Variants in RGS7 observed in about 807,000 individuals in gnomAD.
RGS7 encodes the protein regulator of G-protein signaling 7.
RGS7 carries 27 observed loss-of-function variants against 81.1 expected under a neutral mutation model. The observed-to-expected ratio is 0.33, with a 90% CI of 0.25 to 0.46. RGS7 has a LOEUF of 0.46. Among genes scored for constraint, RGS7 ranks in the 20% least tolerant of loss-of-function variants. RGS7 has a pLI of 1.00. For synonymous variants in RGS7, 208 were observed against 207.7 expected (o/e 1.00, Z -0.01); for missense variants, 396 against 607.4 (o/e 0.65, Z 3.66).
At chr1:240,861,028 C>A (rs1250192934) in intron 9 of RGS7, among the ~76,000 whole-genome samples, 2 of 152,086 alleles carry the variant, frequency 1.3e-5, no homozygotes, top group Non-Finnish European at 2.9e-5. Flanking sequence ...TTGTATGCTA[C>A]AAAATGTTAG....
At chr1:241,014,043 G>A (rs563193168) in intron 3 of RGS7, among the ~76,000 whole-genome samples, 1 of 152,350 alleles carries the variant, frequency 6.6e-6, no homozygotes, top group South Asian at 2.1e-4. Flanking sequence ...GCATTCACTT[G>A]AGAAATGGTG....
chr1:240,857,565 T>C (rs1395991333), intron 9 of RGS7, among the ~76,000 whole-genome samples: 1 of 152,156 alleles, frequency 6.6e-6, no homozygotes, highest in Non-Finnish European at 1.5e-5. Flanking sequence ...CCTTCAACCC[T>C]TCATCTTTTT....
chr1:241,196,101 G>T (rs1019744996), intron 2 of RGS7, among the ~76,000 whole-genome samples: 1 of 151,982 alleles, frequency 6.6e-6, no homozygotes, highest in Non-Finnish European at 1.5e-5. Context: ...GAAAGAGATA[G>T]AGAAAAAAGT....
chr1:241,217,130 TG>T (rs1161948999), intron 2 of RGS7, among the ~76,000 whole-genome samples: 2 of 152,028 alleles, frequency 1.3e-5, no homozygotes, highest in African/African-American at 4.8e-5. Flanking sequence ...GTCATAGGGG[TG>T]GGGCCCTGAT....
chr1:240,897,687 T>C (rs948030960), intron 6 of RGS7, among the ~76,000 whole-genome samples: 3 of 152,200 alleles, frequency 2.0e-5, no homozygotes, highest in African/African-American at 7.2e-5. Context: ...GGTTTGCCCG[T>C]ATTTTATTGA....
At chr1:241,230,368 C>G (rs2075584144) in intron 2 of RGS7, among the ~76,000 whole-genome samples, 1 of 152,024 alleles carries the variant, frequency 6.6e-6, no homozygotes, top group South Asian at 2.1e-4. Context: ...TGTGTGCCAC[C>G]ACGCCTGACT....
rs181447155 is a variant in RGS7, at chr1:241,189,929, C to T, written c.79-91167G>A. On this transcript the variant is annotated intron_variant, in intron 2 of 18. Coordinates refer to ENST00000440928, the MANE Select transcript of RGS7 (RefSeq NM_001364886.1). ...AGGAGATCGAGCCCACGGTGAAACCCCGTCTCTACTAAAAATACAAAAATT... is the reference window on the plus strand; with the variant it reads ...AGGAGATCGAGCCCACGGTGAAACCTCGTCTCTACTAAAAATACAAAAATT... Among the ~76,000 whole-genome samples, 890 of 152,118 alleles carry T rather than the reference C, an allele frequency of 5.9e-3. 3 individuals are homozygous for T. Among genetic ancestry groups the T allele is most frequent in the Non-Finnish European group, 9.4e-3 (642 of 68,018 alleles).
At chr1:241,279,908 G>C (rs912577513) in intron 2 of RGS7, among the ~76,000 whole-genome samples, 6 of 152,146 alleles carry the variant, frequency 3.9e-5, no homozygotes, top group African/African-American at 1.4e-4. Flanking sequence ...CCTTTTTATA[G>C]CTAGTGGTAT....
intron 3 of RGS7, among the ~76,000 whole-genome samples, chr1:241,059,196 G>A (rs1184548313): frequency 2.6e-5 from 4 of 152,040 alleles, no homozygotes; most frequent in Non-Finnish European, 5.9e-5. Flanking sequence ...ACAATGTTGG[G>A]ATCTCCCAAG....
chr1:240,796,662 G>A (rs1343400443), intron 18 of RGS7, among the ~76,000 whole-genome samples: 2 of 152,140 alleles, frequency 1.3e-5, no homozygotes, highest in African/African-American at 4.8e-5. Flanking sequence ...CTGCAGCTTG[G>A]GTGACAGAGT....
intron 3 of RGS7, among the ~76,000 whole-genome samples, chr1:241,016,335 T>C (rs1331342545): frequency 6.6e-6 from 1 of 152,062 alleles, no homozygotes; most frequent in Non-Finnish European, 1.5e-5. Context: ...CTGGCCAACA[T>C]CGTGAGACCC....
rs1166128660 is a variant in RGS7 at position 241,196,850 on chromosome 1, G to T, written c.79-98088C>A. On this transcript the variant is annotated intron_variant, in intron 2 of 18. Coordinates refer to ENST00000440928, the MANE Select transcript of RGS7 (RefSeq NM_001364886.1). The stretch of plus-strand genomic sequence containing the variant: ...GGTGTTGGTAAAAATAGTAATTTAT[G>T]TTAGACTTGAATTTCAGGGATGTAT... Among the ~76,000 whole-genome samples the T allele has an allele frequency of 2.0e-5, 3 of 151,852 alleles. No homozygotes were observed. In the East Asian group the frequency reaches 5.8e-4, roughly 29 times the overall value.
intron 6 of RGS7, among the ~76,000 whole-genome samples, chr1:240,885,785 A>G (rs958110908): frequency 6.6e-6 from 1 of 152,188 alleles, no homozygotes; most frequent in Admixed American, 6.5e-5. Context: ...GCAGAAAAAC[A>G]TTAAGTATTG....
At chr1:241,215,852 T>C (rs2074518111) in intron 2 of RGS7, among the ~76,000 whole-genome samples, 1 of 152,250 alleles carries the variant, frequency 6.6e-6, no homozygotes, top group African/African-American at 2.4e-5. Context: ...GAAGGCTTAA[T>C]CTTATACAAG....
intron 2 of RGS7, among the ~76,000 whole-genome samples, chr1:241,126,809 A>AT (rs55818497): frequency 0.4 from 58,396 of 145,472 alleles, 14,013 homozygotes; most frequent in African/African-American, 0.7. Context: ...CCTTAAGTTG[A>AT]TTTTTTTTTT....
chr1:241,195,037 T>A (rs1416954045), intron 2 of RGS7, among the ~76,000 whole-genome samples: 1 of 152,188 alleles, frequency 6.6e-6, no homozygotes. Context: ...CCTAAAGGAT[T>A]AAGGTGATTG....
chr1:241,122,263 G>A (rs937456716), intron 2 of RGS7, among the ~76,000 whole-genome samples: 3 of 152,088 alleles, frequency 2.0e-5, no homozygotes, highest in East Asian at 1.9e-4. Context: ...TAGCATTCTC[G>A]TTACTCTCCC....
intron 3 of RGS7, among the ~76,000 whole-genome samples, chr1:241,053,493 G>T (rs2148813275): frequency 6.6e-6 from 1 of 152,288 alleles, no homozygotes. Flanking sequence ...TATCAACGAA[G>T]AATATAGCAA....
chr1:241,097,013 G>C (rs2064302317), intron 3 of RGS7, among the ~76,000 whole-genome samples: 1 of 152,068 alleles, frequency 6.6e-6, no homozygotes, highest in Non-Finnish European at 1.5e-5. Context: ...TAGATGTGGA[G>C]TTAACTCTGA....
Sources: gnomAD v4.1 joint callset for allele counts (sites outside exome capture counted in the v4.1 genomes callset) on GRCh38, gnomAD v4.1.1 for gene constraint, MANE v1.5 for transcripts, NCBI Gene and HGNC (gene_info 2026-07-23, HGNC 2026-07-21) for gene names.